Variants in PRKCH observed in about 807,000 individuals in gnomAD.
The protein encoded by PRKCH is protein kinase C eta type.
Under a neutral mutation model 82.5 loss-of-function variants are expected in PRKCH, and 28 were observed. That is an observed-to-expected ratio of 0.34 (90% confidence interval 0.25 to 0.47). The LOEUF (loss-of-function observed/expected upper bound fraction) is 0.47, where lower values mean the gene tolerates loss of function less well. Ranked by LOEUF, PRKCH falls within the 20% of genes least tolerant of loss-of-function variation. The pLI, the probability that PRKCH is intolerant of heterozygous loss-of-function variation, is 1.00. For synonymous variants in PRKCH, 322 were observed against 327.4 expected, an observed-to-expected ratio of 0.98 and a Z score of 0.18; for missense variants, 705 against 881.8, an observed-to-expected ratio of 0.80 and a Z score of 2.54.
chr14:61,513,000 A>G (rs1006165178), intron 10 of PRKCH, among the ~76,000 whole-genome samples: 3 of 152,152 alleles, frequency 2.0e-5, no homozygotes, highest in South Asian at 4.1e-4. Flanking sequence ...AAAAAATTTT[A>G]TAGAGACAGG....
intron 1 of PRKCH, among the ~76,000 whole-genome samples, chr14:61,269,333 T>C (rs989384654): frequency 1.3e-5 from 2 of 152,020 alleles, no homozygotes; most frequent in African/African-American, 4.8e-5. Context: ...CCAAACTTTA[T>C]TTACTCCCAG....
intron 1 of PRKCH, among the ~76,000 whole-genome samples, chr14:61,194,518 C>A (rs2044428464): frequency 6.6e-6 from 1 of 152,168 alleles, no homozygotes. Context: ...AGGCCCTCAC[C>A]AGACACCAAA....
intron 1 of PRKCH, among the ~76,000 whole-genome samples, chr14:61,247,337 A>G (rs750068453): frequency 3.9e-5 from 6 of 151,976 alleles, no homozygotes; most frequent in Non-Finnish European, 8.8e-5. Flanking sequence ...AGGTTTCTCT[A>G]TATGTTCAAT....
intron 1 of PRKCH, among the ~76,000 whole-genome samples, chr14:61,207,006 C>G (rs1220467041): frequency 6.9e-6 from 1 of 144,956 alleles, no homozygotes; most frequent in African/African-American, 2.6e-5. Flanking sequence ...CTCGGGAGGC[C>G]GAGGCAGGAG....
intron 2 of PRKCH, among the ~76,000 whole-genome samples, chr14:61,410,168 G>T (rs1781780131): frequency 6.6e-6 from 1 of 152,026 alleles, no homozygotes. Flanking sequence ...TGACCAGATG[G>T]CATCTCTTGA....
At chr14:61,474,708 T>TA (rs900598847) in intron 9 of PRKCH, among the ~76,000 whole-genome samples, 5 of 152,378 alleles carry the variant, frequency 3.3e-5, no homozygotes, top group South Asian at 4.1e-4. Context: ...AGTATAATTT[T>TA]AAAAAAATTT....
chr14:61,523,210 T>C (rs1422769525), intron 10 of PRKCH, among the ~76,000 whole-genome samples: 1 of 152,246 alleles, frequency 6.6e-6, no homozygotes, highest in East Asian at 1.9e-4. Context: ...TATGCCTGTA[T>C]CCTCAAGGAC....
intron 12 of PRKCH, among the ~76,000 whole-genome samples, chr14:61,534,293 C>T (rs2043079660): frequency 6.6e-6 from 1 of 152,148 alleles, no homozygotes; most frequent in African/African-American, 2.4e-5. Context: ...CGTACAATAG[C>T]CCGAAGGTGG....
intron 1 of PRKCH, among the ~76,000 whole-genome samples, chr14:61,351,637 C>A (rs1250268724): frequency 2.0e-5 from 3 of 152,118 alleles, no homozygotes; most frequent in Non-Finnish European, 4.4e-5. Flanking sequence ...CTGGAGGACG[C>A]ATGTTGGGTG....
intron 9 of PRKCH, among the ~76,000 whole-genome samples, chr14:61,459,599 G>A (rs1262098877): frequency 6.6e-6 from 1 of 152,172 alleles, no homozygotes; most frequent in East Asian, 1.9e-4. Context: ...TGGAAGCAGA[G>A]GAATGACGTA....
At chr14:61,491,936 A>G (rs944824650) in intron 10 of PRKCH, among the ~76,000 whole-genome samples, 1 of 152,248 alleles carries the variant, frequency 6.6e-6, no homozygotes, top group Non-Finnish European at 1.5e-5. Flanking sequence ...GAGAAATACA[A>G]TGCAGTGAAT....
intron 1 of PRKCH, among the ~76,000 whole-genome samples, chr14:61,331,813 G>A (rs541018961): frequency 6.6e-6 from 1 of 152,346 alleles, no homozygotes; most frequent in East Asian, 1.9e-4. Context: ...CTGTCAAAAT[G>A]AATTATGTGT....
At chr14:61,535,333 A>G (rs2043093594) in intron 12 of PRKCH, among the ~76,000 whole-genome samples, 1 of 152,184 alleles carries the variant, frequency 6.6e-6, no homozygotes. Context: ...AACATTAACT[A>G]TATACTTACA....
At chr14:61,528,579 C>T (rs529343383) in intron 10 of PRKCH, among the ~76,000 whole-genome samples, 4 of 151,210 alleles carry the variant, frequency 2.6e-5, no homozygotes, top group East Asian at 3.9e-4. Flanking sequence ...AGCTTCTAGC[C>T]TAGCAAATAT....
intron 2 of PRKCH, among the ~76,000 whole-genome samples, chr14:61,440,946 T>G (rs1883939295): frequency 6.8e-6 from 1 of 146,768 alleles, no homozygotes; most frequent in African/African-American, 2.5e-5. Flanking sequence ...GGAGAGAAAG[T>G]CTTGCTCTGT....
chr14:61,459,159 T>G (rs972751657), intron 9 of PRKCH, among the ~76,000 whole-genome samples: 1 of 152,118 alleles, frequency 6.6e-6, no homozygotes, highest in Admixed American at 6.5e-5. Flanking sequence ...GCCACAGATG[T>G]GTCAGAATCT....
intron 1 of PRKCH, among the ~76,000 whole-genome samples, chr14:61,343,798 A>G (rs2140140765): frequency 6.6e-6 from 1 of 152,326 alleles, no homozygotes; most frequent in Middle Eastern, 3.4e-3. Context: ...CAGGAAATGG[A>G]TCTGGATTAT....
chr14:61,444,438 C>G (rs1035664329), intron 3 of PRKCH, among the ~76,000 whole-genome samples: 3 of 149,388 alleles, frequency 2.0e-5, no homozygotes, highest in African/African-American at 7.4e-5. Flanking sequence ...TTTTCTGTTT[C>G]TTTTACATGA....
intron 1 of PRKCH, among the ~76,000 whole-genome samples, chr14:61,374,100 C>T (rs1303605371): frequency 6.6e-6 from 1 of 152,136 alleles, no homozygotes; most frequent in East Asian, 1.9e-4. Flanking sequence ...AACAATGGGG[C>T]TACAGGCCCC....
Sources: gnomAD v4.1 joint callset for allele counts (sites outside exome capture counted in the v4.1 genomes callset) on GRCh38, gnomAD v4.1.1 for gene constraint, MANE v1.5 for transcripts, NCBI Gene and HGNC (gene_info 2026-07-23, HGNC 2026-07-21) for gene names.